LRRC20: variants seen among roughly 807,000 people sequenced by gnomAD.
The protein encoded by LRRC20 is leucine-rich repeat-containing protein 20.
A neutral mutation model predicts 14.4 loss-of-function variants in LRRC20; 11 were observed. That is an observed-to-expected ratio of 0.77 (90% CI 0.48 to 1.27). LRRC20 has a LOEUF of 1.27. Ranked by LOEUF, LRRC20 falls within the 50% of genes most tolerant of loss-of-function variation. LRRC20 has a pLI of 0.00. For missense variants in LRRC20, 219 were observed against 251.2 expected, an observed-to-expected ratio of 0.87 and a Z score of 0.87; for synonymous variants, 121 against 107.3, an observed-to-expected ratio of 1.13 and a Z score of -0.79.
rs564461831 is a variant in LRRC20, at chr10:70,346,803, C to T, written c.83-6101G>A. Among the ~76,000 whole-genome samples the T allele has an allele frequency of 4.7e-4, 72 of 152,204 alleles. 1 individual carries two copies. The South Asian group carries it at 5.4e-3, about 11-fold the overall frequency. ...ACTTTATACAAAGTAAGTAAAATAC[C>T]ATTCTATATTTATATAAAACCATTT... is the stretch of plus-strand genomic sequence containing the variant. On this transcript the variant is annotated intron_variant, in intron 2 of 4. Transcript: ENST00000446961.
chr10:70,330,552 G>C (rs963539818), intron 3 of LRRC20, among the ~76,000 whole-genome samples: 9 of 152,168 alleles, frequency 5.9e-5, no homozygotes, highest in African/African-American at 1.9e-4. Context: ...AGGGCTTTAT[G>C]AATGTCAATG....
chr10:70,379,053 C>G (rs1844612530), intron 1 of LRRC20, among the ~76,000 whole-genome samples: 1 of 152,210 alleles, frequency 6.6e-6, no homozygotes, highest in African/African-American at 2.4e-5. Flanking sequence ...ACACTGAACA[C>G]AGGTGCTTAG....
chr10:70,323,746 C>A (rs1215426457), intron 4 of LRRC20, 117 bp downstream of exon 4: 16 of 1,161,214 alleles, frequency 1.4e-5, no homozygotes, highest in African/African-American at 3.1e-5. Context: ...TTTGCTCAGG[C>A]ATCTCAGACA....
intron 2 of LRRC20, among the ~76,000 whole-genome samples, chr10:70,346,454 A>G (rs925564736): frequency 2.0e-5 from 3 of 152,150 alleles, no homozygotes; most frequent in Non-Finnish European, 2.9e-5. Flanking sequence ...TGTTTCCCCT[A>G]TGGAAAATCC....
intron 3 of LRRC20, among the ~76,000 whole-genome samples, chr10:70,336,158 G>A (rs1842720595): frequency 6.6e-6 from 1 of 152,156 alleles, no homozygotes; most frequent in African/African-American, 2.4e-5. Flanking sequence ...GGAGCCGGGA[G>A]AGCTGAGCAC....
At chr10:70,319,718 T>A (rs1842004849) in intron 4 of LRRC20, among the ~76,000 whole-genome samples, 1 of 152,242 alleles carries the variant, frequency 6.6e-6, no homozygotes, top group Non-Finnish European at 1.5e-5. Context: ...GGCTTATTTA[T>A]AAATACTTTA....
chr10:70,314,204 G>A (rs2136909166), intron 4 of LRRC20, among the ~76,000 whole-genome samples: 1 of 152,018 alleles, frequency 6.6e-6, no homozygotes, highest in Middle Eastern at 3.4e-3. Flanking sequence ...TTTGGGTGGG[G>A]ACACAGCCAA....
intron 3 of LRRC20, among the ~76,000 whole-genome samples, chr10:70,328,298 T>C (rs867203067): frequency 6.6e-6 from 1 of 151,668 alleles, no homozygotes; most frequent in East Asian, 1.9e-4. Flanking sequence ...TTTTTTGTTT[T>C]TTGGCGTTTT....
rs551835043 is a variant in LRRC20, at chr10:70,335,741, C to T, written c.232+4812G>A. Among the ~76,000 whole-genome samples, 4 of 152,338 alleles carry T rather than the reference C, an allele frequency of 2.6e-5. No homozygotes were observed. The East Asian group carries it at 5.8e-4, about 22-fold the overall frequency. ...AGTCCCTAACAACACACCATCCCTC[C>T]GCTCTGTAACACTCAGTCTTCTACC... is the stretch of plus-strand genomic sequence containing the variant. On this transcript the variant is annotated intron_variant, in intron 3 of 4. Coordinates refer to ENST00000446961, the MANE Select transcript of LRRC20 (RefSeq NM_001278212.2).
At chr10:70,382,434 G>C (rs1485230263) in intron 1 of LRRC20, 115 bp downstream of exon 1, 1 of 152,300 alleles carries the variant, frequency 6.6e-6, no homozygotes. Flanking sequence ...GCAAAAATCG[G>C]AACACTTCTC....
intron 3 of LRRC20, among the ~76,000 whole-genome samples, chr10:70,331,841 T>G (rs891693466): frequency 1.3e-5 from 2 of 152,178 alleles, no homozygotes; most frequent in Non-Finnish European, 2.9e-5. Flanking sequence ...CGGTGTCTGT[T>G]AAATGGACCT....
chr10:70,311,321 T>G (rs1188527631), intron 4 of LRRC20, among the ~76,000 whole-genome samples: 1 of 147,362 alleles, frequency 6.8e-6, no homozygotes, highest in Admixed American at 6.9e-5. Context: ...CTCCACCTCC[T>G]GGGTTCAAGT....
At chr10:70,334,522 G>T (rs1842650936) in intron 3 of LRRC20, among the ~76,000 whole-genome samples, 1 of 152,116 alleles carries the variant, frequency 6.6e-6, no homozygotes, top group Admixed American at 6.5e-5. Flanking sequence ...GTGGGGCACT[G>T]ACATACACTG....
intron 3 of LRRC20, among the ~76,000 whole-genome samples, chr10:70,326,780 G>A (rs1842341004): frequency 6.6e-6 from 1 of 152,090 alleles, no homozygotes. Flanking sequence ...AGCCTCCCAA[G>A]TAGCTGGGAC....
intron 2 of LRRC20, among the ~76,000 whole-genome samples, chr10:70,351,761 G>A (rs1843320591): frequency 1.3e-5 from 2 of 152,174 alleles, no homozygotes; most frequent in East Asian, 3.9e-4. Context: ...AGGAATGGGA[G>A]GGATGTCTAA....
intron 2 of LRRC20, among the ~76,000 whole-genome samples, chr10:70,359,089 G>A (rs758826479): frequency 6.6e-6 from 1 of 152,162 alleles, no homozygotes; most frequent in Non-Finnish European, 1.5e-5. Flanking sequence ...ATTCTACTAT[G>A]GTTTTACTGC....
intron 4 of LRRC20, among the ~76,000 whole-genome samples, chr10:70,307,790 T>C (rs1233726626): frequency 6.6e-6 from 1 of 152,374 alleles, no homozygotes; most frequent in East Asian, 1.9e-4. Flanking sequence ...TCCCTGCACC[T>C]GAGCTTTCTC....
rs557570537 is a variant in LRRC20 at position 70,323,821 on chromosome 10, C to A, written c.400+42G>T. On this transcript the variant is annotated intron_variant, in intron 4 of 4. Transcript: ENST00000446961. ...CCAGAGTCCTGTGGCCCATGAGCGC[C>A]TCGTGCAGCAGCCCAGGGCCAGGTG... 3.5e-5 allele frequency: 57 copies of A among 1,609,514 alleles called. No homozygotes were observed. The South Asian group carries it at 6.1e-4, about 17-fold the overall frequency.
chr10:70,366,829 A>G (rs1844017060), intron 2 of LRRC20, among the ~76,000 whole-genome samples: 2 of 152,224 alleles, frequency 1.3e-5, no homozygotes, highest in African/African-American at 4.8e-5. Context: ...TGTATTATGT[A>G]CTATAAGTAA....
Sources: gnomAD v4.1 joint callset for allele counts (sites outside exome capture counted in the v4.1 genomes callset) on GRCh38, gnomAD v4.1.1 for gene constraint, MANE v1.5 for transcripts, NCBI Gene and HGNC (gene_info 2026-07-23, HGNC 2026-07-21) for gene names.